NBEA: variants seen among roughly 807,000 people sequenced by gnomAD.
NBEA encodes the protein lysosomal-trafficking regulator 2.
In NBEA, 44 loss-of-function variants were observed where a neutral mutation model predicts 343.4. That is an observed-to-expected ratio of 0.13 (90% CI 0.10 to 0.16). NBEA has a LOEUF of 0.16. Ranked by LOEUF, NBEA falls within the 10% of genes least tolerant of loss-of-function variation. The probability of loss-of-function intolerance (pLI) is 1.00; values close to 1 mark genes in which losing one functional copy is unlikely to be tolerated. For synonymous variants in NBEA, 1,175 were observed against 1,238.7 expected (o/e 0.95, Z 1.08); for missense variants, 2,555 against 3,631.3 (o/e 0.70, Z 7.62).
At chr13:35,447,925 GC>G (rs1381498641) in intron 39 of NBEA, among the ~76,000 whole-genome samples, 2 of 152,238 alleles carry the variant, frequency 1.3e-5, no homozygotes, top group African/African-American at 4.8e-5. Flanking sequence ...TAATGAGACA[GC>G]CCTTTGAGAC....
chr13:35,361,601 A>T (rs2040810989), intron 38 of NBEA, among the ~76,000 whole-genome samples: 1 of 152,078 alleles, frequency 6.6e-6, no homozygotes, highest in East Asian at 1.9e-4. Flanking sequence ...GAGAAAACAT[A>T]GGAGAAAAAT....
chr13:35,460,148 C>T (rs868760347), intron 40 of NBEA, among the ~76,000 whole-genome samples: 53 of 152,278 alleles, frequency 3.5e-4, no homozygotes, highest in African/African-American at 1.1e-3. Context: ...ATTCTGGATT[C>T]TCTAAAATGC....
At chr13:35,519,096 T>A (rs1431772245) in intron 41 of NBEA, among the ~76,000 whole-genome samples, 3 of 152,222 alleles carry the variant, frequency 2.0e-5, no homozygotes, top group Admixed American at 6.5e-5. Flanking sequence ...CTGCCTCTTA[T>A]GCCTACGTGT....
Position 34,978,300 on chromosome 13 carries a change from A to C in NBEA, c.294+35186A>C, listed in dbSNP as rs181780304. Among the ~76,000 whole-genome samples, 140 of 152,316 alleles carry C rather than the reference A, an allele frequency of 9.2e-4. 1 individual carries two copies. The highest frequency in any genetic ancestry group is 2.5e-3 in the South Asian group (12 of 4,830). Reference sequence around the variant, plus strand: ...TATTTACTGATAGGAAGAATTGAAAAAATTTTATAGTGAACACCCATATAT... The same window carrying C: ...TATTTACTGATAGGAAGAATTGAAACAATTTTATAGTGAACACCCATATAT... On this transcript the variant is annotated intron_variant, in intron 1 of 58. Transcript: ENST00000379939.
Position 35,161,852 on chromosome 13 carries a change from C to A in NBEA, c.3964C>A (p.Pro1322Thr). ...MTEEQRRQFSPGPRTTMFRIP... is the reference protein window; with the variant it reads ...MTEEQRRQFSTGPRTTMFRIP... ...TGAGGAACAGCGACGCCAGTTTAGC[C>A]CAGGTCCACGGACTACAATGTTTCG... is the stretch of plus-strand genomic sequence containing the variant. The change falls in exon 23 of 59, where the codon CCA becomes ACA. Residue 1322 changes from proline (P) to threonine (T), a missense_variant. By Grantham distance (38) the Pro-to-Thr change is conservative (BLOSUM62 -1). Around this residue, in one of 21 missense-constraint regions of NBEA, gnomAD observed 69 missense variants for 128.8 expected, o/e 0.54. Coordinates refer to ENST00000379939, the MANE Select transcript of NBEA (RefSeq NM_001385012.1). 1.2e-6 allele frequency: 2 copies of A among 1,609,944 alleles called. No individual in the cohort carries two copies. The highest frequency in any genetic ancestry group is 1.1e-5 in the South Asian group (1 of 90,000).
chr13:35,635,770 C>T (rs1217670173), intron 49 of NBEA, among the ~76,000 whole-genome samples: 2 of 152,178 alleles, frequency 1.3e-5, no homozygotes, highest in African/African-American at 4.8e-5. Flanking sequence ...ATTAATGACA[C>T]ACATTTAATT....
chr13:35,333,558 T>C (rs1167211487), intron 36 of NBEA, among the ~76,000 whole-genome samples: 4 of 152,078 alleles, frequency 2.6e-5, no homozygotes, highest in Non-Finnish European at 4.4e-5. Flanking sequence ...ATTATACTTT[T>C]AGTTATTTTT....
intron 38 of NBEA, among the ~76,000 whole-genome samples, chr13:35,377,697 C>A (rs1216942427): frequency 6.6e-6 from 1 of 152,110 alleles, no homozygotes; most frequent in Admixed American, 6.6e-5. Context: ...CTTTCTCAGC[C>A]CACTGTTTTA....
intron 41 of NBEA, among the ~76,000 whole-genome samples, chr13:35,505,347 C>T (rs1214376522): frequency 2.0e-5 from 3 of 152,096 alleles, no homozygotes; most frequent in African/African-American, 7.2e-5. Flanking sequence ...GACTAGCTCA[C>T]GATGCTCCGC....
At chr13:35,062,663 A>G (rs1408984592) in intron 8 of NBEA, among the ~76,000 whole-genome samples, 1 of 152,002 alleles carries the variant, frequency 6.6e-6, no homozygotes, top group Non-Finnish European at 1.5e-5. Flanking sequence ...AGAAAGCAGT[A>G]AAGCCATAGA....
At chr13:35,214,178 G>T (rs1348161654) in intron 33 of NBEA, among the ~76,000 whole-genome samples, 1 of 151,744 alleles carries the variant, frequency 6.6e-6, no homozygotes, top group Admixed American at 6.6e-5. Flanking sequence ...TTCCCATTTT[G>T]TTGTAGTTAT....
At chr13:35,134,413 G>A (rs1276059831) in intron 17 of NBEA, among the ~76,000 whole-genome samples, 1 of 150,018 alleles carries the variant, frequency 6.7e-6, no homozygotes, top group Non-Finnish European at 1.5e-5. Context: ...AAAGCAGACA[G>A]AGTAGACATT....
At position 35,266,087 on chromosome 13, in the gene NBEA, A is replaced by G. The variant is rs151147247; in HGVS notation, c.5777-24302A>G. On this transcript the variant is annotated intron_variant, in intron 34 of 58. Coordinates refer to ENST00000379939, the MANE Select transcript of NBEA (RefSeq NM_001385012.1). ...AGAAATACAAGTGGCCAAGAGGTAT[A>G]TAAAAGTAATGTTCAACATCACTAA... 5.9e-5 allele frequency among the ~76,000 whole-genome samples: 9 copies of G among 152,090 alleles called. No homozygotes were observed. In the East Asian group the frequency reaches 7.7e-4, roughly 13 times the overall value.
At chr13:35,523,343 G>A (rs907546662) in intron 41 of NBEA, among the ~76,000 whole-genome samples, 1 of 152,144 alleles carries the variant, frequency 6.6e-6, no homozygotes, top group Non-Finnish European at 1.5e-5. Flanking sequence ...TCTGACATCA[G>A]AACCACCGTG....
chr13:35,237,416 C>T (rs2075288614), intron 34 of NBEA, among the ~76,000 whole-genome samples: 1 of 152,172 alleles, frequency 6.6e-6, no homozygotes, highest in Non-Finnish European at 1.5e-5. Flanking sequence ...TTTTCTCATT[C>T]TTGAGCATGT....
At chr13:35,119,884 C>T (rs897678674) in intron 16 of NBEA, among the ~76,000 whole-genome samples, 2 of 152,116 alleles carry the variant, frequency 1.3e-5, no homozygotes, top group Admixed American at 6.5e-5. Context: ...CCACCGTGCC[C>T]AGCCTATAAT....
intron 1 of NBEA, among the ~76,000 whole-genome samples, chr13:34,957,706 A>G (rs1421924202): frequency 6.6e-6 from 1 of 152,152 alleles, no homozygotes; most frequent in Non-Finnish European, 1.5e-5. Context: ...CTTATTTTAT[A>G]TAACATATAA....
intron 55 of NBEA, among the ~76,000 whole-genome samples, chr13:35,658,151 TA>T (rs1750800910): frequency 6.6e-6 from 1 of 152,114 alleles, no homozygotes; most frequent in Non-Finnish European, 1.5e-5. Flanking sequence ...AAAATATGGA[TA>T]TTATATTTGT....
At position 35,164,474 on chromosome 13, in the gene NBEA, A is replaced by G. The variant is rs1450811825; in HGVS notation, c.4198A>G (p.Ile1400Val). Residue 1400 changes from isoleucine (I) to valine (V), a missense_variant, in exon 24 of 59, where the codon ATT becomes GTT. Transcript: ENST00000379939. ...CAACATCATCATTGCTTGTGGAGGAATTTTACCTTTGCTCTCTGCTGCTAC... is the reference window on the plus strand; with the variant it reads ...CAACATCATCATTGCTTGTGGAGGAGTTTTACCTTTGCTCTCTGCTGCTAC... ...VDNIIIACGG[I>V]LPLLSAATSP... 1.2e-6 allele frequency: 2 copies of G among 1,611,238 alleles called. No individual in the cohort carries two copies. The highest frequency in any genetic ancestry group is 1.1e-5 in the South Asian group (1 of 90,596).
Sources: allele counts gnomAD v4.1 joint callset (sites outside exome capture counted in the v4.1 genomes callset), GRCh38; gene constraint gnomAD v4.1.1; regional missense constraint gnomAD v4.1.1; transcripts MANE v1.5; gene names NCBI Gene and HGNC (gene_info 2026-07-23, HGNC 2026-07-21).